Variants in FAM149A observed in about 807,000 individuals in gnomAD.
FAM149A encodes the protein protein FAM149A.
A neutral mutation model predicts 78.2 loss-of-function variants in FAM149A; 71 were observed. The observed-to-expected ratio is 0.91, with a 90% CI of 0.75 to 1.11. The LOEUF (loss-of-function observed/expected upper bound fraction) is 1.11, where lower values mean the gene tolerates loss of function less well. Ranked by LOEUF, FAM149A falls within the 50% of genes least tolerant of loss-of-function variation. The pLI is 0.00. For synonymous variants in FAM149A, 446 were observed against 410.5 expected (o/e 1.09, Z -1.04); for missense variants, 1,036 against 971.0 (o/e 1.07, Z -0.89).
intron 1 of FAM149A, among the ~76,000 whole-genome samples, chr4:186,148,235 G>C (rs1371405046): frequency 2.0e-5 from 3 of 152,212 alleles, no homozygotes; most frequent in Admixed American, 6.5e-5. Context: ...GCTGAGGCAG[G>C]AGAATTACTT....
chr4:186,149,454 A>C (rs1221809180), intron 2 of FAM149A, 112 bp from the exon 3 acceptor site: 1 of 1,141,276 alleles, frequency 8.8e-7, no homozygotes, highest in Non-Finnish European at 1.1e-6. Flanking sequence ...CTGTGAAATT[A>C]ATAAATATAT....
intron 1 of FAM149A, among the ~76,000 whole-genome samples, chr4:186,130,532 G>C (rs777697648): frequency 7.1e-6 from 1 of 141,450 alleles, no homozygotes; most frequent in Non-Finnish European, 1.6e-5. Context: ...TTTTTTTTTT[G>C]TATTTCTGTA....
intron 1 of FAM149A, chr4:186,123,521 G>A (rs750553468): frequency 9.3e-5 from 30 of 322,876 alleles, no homozygotes; most frequent in Non-Finnish European, 1.3e-4. Context: ...GCAGCCTGAA[G>A]AGATGAGGGA....
At chr4:186,167,148 T>A (rs376002195) in intron 12 of FAM149A, 36 bp from the exon 13 acceptor site, 34 of 1,605,436 alleles carry the variant, frequency 2.1e-5, no homozygotes, top group Non-Finnish European at 2.7e-5. Flanking sequence ...TTGAAAAAAA[T>A]GAAACTTGTC....
chr4:186,154,683 A>G (rs762692303), intron 6 of FAM149A, 45 bp downstream of exon 6: 2 of 1,545,860 alleles, frequency 1.3e-6, no homozygotes, highest in Middle Eastern at 1.8e-4. Context: ...AATAATATTA[A>G]TTTATTTGAC....
At chr4:186,156,779 G>T (rs1691037862) in intron 7 of FAM149A, among the ~76,000 whole-genome samples, 1 of 151,976 alleles carries the variant, frequency 6.6e-6, no homozygotes, top group Non-Finnish European at 1.5e-5. Context: ...AGCTCAGCTT[G>T]GGCAACATAG....
intron 1 of FAM149A, among the ~76,000 whole-genome samples, chr4:186,119,808 A>G (rs530440611): frequency 2.6e-4 from 39 of 152,354 alleles, no homozygotes; most frequent in East Asian, 3.9e-4. Context: ...ATTCCCTAGT[A>G]TCAAACAGTG....
intron 1 of FAM149A, chr4:186,126,161 C>T (rs1196719688): frequency 4.7e-5 from 43 of 919,508 alleles, no homozygotes; most frequent in Non-Finnish European, 5.2e-5. Flanking sequence ...CCATACTACT[C>T]ATTACTAGGG....
chr4:186,130,888 G>A (rs1264216819), intron 1 of FAM149A, among the ~76,000 whole-genome samples: 1 of 152,166 alleles, frequency 6.6e-6, no homozygotes, highest in Non-Finnish European at 1.5e-5. Context: ...CAAAGTTGGT[G>A]TTGCAGATAT....
intron 1 of FAM149A, among the ~76,000 whole-genome samples, chr4:186,107,277 A>T (rs1229227098): frequency 6.6e-6 from 1 of 152,384 alleles, no homozygotes; most frequent in East Asian, 1.9e-4. Context: ...ATTCTTGAAC[A>T]TATTAGCTCA....
chr4:186,107,874 TC>T (rs2099309437), intron 1 of FAM149A: 1 of 152,256 alleles, frequency 6.6e-6, no homozygotes, highest in Non-Finnish European at 1.5e-5. Flanking sequence ...ATACCATTTT[TC>T]CTTTCAGATC....
intron 1 of FAM149A, among the ~76,000 whole-genome samples, chr4:186,106,453 C>T (rs1231072500): frequency 1.3e-5 from 2 of 152,036 alleles, no homozygotes; most frequent in Non-Finnish European, 2.9e-5. Flanking sequence ...AATTTTCATC[C>T]TGAATGCTGC....
intron 8 of FAM149A, chr4:186,158,672 C>T (rs1380739730): frequency 3.7e-6 from 4 of 1,090,592 alleles, no homozygotes; most frequent in Non-Finnish European, 4.5e-6. Context: ...CCAGCCCCTG[C>T]ACGCACTGCT....
At chr4:186,111,793 C>G (rs2099311403) in intron 1 of FAM149A, among the ~76,000 whole-genome samples, 1 of 151,040 alleles carries the variant, frequency 6.6e-6, no homozygotes, top group African/African-American at 2.4e-5. Flanking sequence ...GTTTTGGTTA[C>G]TGTAGCCTTG....
chr4:186,158,581 T>C (rs1256183309), intron 8 of FAM149A: 6 of 343,958 alleles, frequency 1.7e-5, no homozygotes, highest in Non-Finnish European at 2.3e-5. Flanking sequence ...ATTGCTCCAG[T>C]GCCTGCTGAG....
intron 1 of FAM149A, among the ~76,000 whole-genome samples, chr4:186,139,300 T>G (rs2126404156): frequency 6.6e-6 from 1 of 152,302 alleles, no homozygotes; most frequent in African/African-American, 2.4e-5. Context: ...CCCTGGTCCC[T>G]CTATTGGAGA....
chr4:186,157,576 CA>C lies in FAM149A; in HGVS notation c.1433del (p.Gln478ArgfsTer5), dbSNP rs1561410783. 1 of 1,613,856 alleles carries C rather than the reference CA, an allele frequency of 6.2e-7. No homozygotes were observed. Among genetic ancestry groups the C allele is most frequent in the African/African-American group, 1.3e-5 (1 of 74,940 alleles). On this transcript the variant is annotated frameshift_variant, in exon 8 of 14. Coordinates refer to ENST00000389354, the MANE Select transcript of FAM149A (RefSeq NM_001367768.3). LOFTEE classifies it high-confidence loss of function. The stretch of plus-strand genomic sequence containing the variant: ...TTCTGTTGACACAGAAGGGAAAAAA[CA>C]GAGAGAAACATTGAAAGTGGCTGGA...
chr4:186,154,562 C>T lies in FAM149A; in HGVS notation c.1153C>T (p.Arg385Cys), dbSNP rs1459240845. Residue 385 changes from arginine (R) to cysteine (C), a missense_variant, in exon 6 of 14, where the codon CGT becomes TGT. Around this residue, in one of 3 missense-constraint regions of FAM149A, gnomAD observed 716 missense variants for 711.8 expected, o/e 1.01. Transcript: ENST00000389354. ...CACAGGGGTTGCTGACCTAACGGCA[C>T]GTTCATCCCTGGAAGAAGAGGTTTA... 6.2e-7 allele frequency: 1 copy of T among 1,614,070 alleles called. No homozygotes were observed.
intron 1 of FAM149A, among the ~76,000 whole-genome samples, chr4:186,108,459 A>C (rs1408732129): frequency 1.3e-5 from 2 of 152,062 alleles, no homozygotes; most frequent in African/African-American, 4.8e-5. Context: ...TAACTTGAGT[A>C]GGAAAATATG....
Sources: gnomAD v4.1 joint callset for allele counts (sites outside exome capture counted in the v4.1 genomes callset) on GRCh38, gnomAD v4.1.1 for gene constraint, gnomAD v4.1.1 regional missense constraint, MANE v1.5 for transcripts, NCBI Gene and HGNC (gene_info 2026-07-23, HGNC 2026-07-21) for gene names.